Variants in SLC17A1 observed in about 807,000 individuals in gnomAD.
SLC17A1 encodes sodium-dependent phosphate transport protein 1.
A neutral mutation model predicts 53.5 loss-of-function variants in SLC17A1; 51 were observed. That is an observed-to-expected ratio of 0.95 (90% CI 0.76 to 1.20). The LOEUF is 1.20. Among genes scored for constraint, SLC17A1 ranks in the 50% most tolerant of loss-of-function variants. The pLI is 0.00. For synonymous variants in SLC17A1, 179 were observed against 198.8 expected, an observed-to-expected ratio of 0.90 and a Z score of 0.84; for missense variants, 538 against 568.2, an observed-to-expected ratio of 0.95 and a Z score of 0.54.
the SLC17A1 span, among the ~76,000 whole-genome samples, chr6:25,769,364 C>T: frequency 1.5e-3 from 232 of 152,056 alleles, 1 homozygote; most frequent in Middle Eastern, 6.8e-3. Context: ...ACCTTTAGTC[C>T]CAGCACTTTG....
chr6:25,737,049 A>G, the SLC17A1 span, among the ~76,000 whole-genome samples: 3 of 152,248 alleles, frequency 2.0e-5, no homozygotes, highest in Non-Finnish European at 4.4e-5. Flanking sequence ...TTAAGTTATA[A>G]TAGCCCTTCT....
At chr6:25,800,675 G>A (rs944934741) in intron 11 of SLC17A1, among the ~76,000 whole-genome samples, 1 of 152,142 alleles carries the variant, frequency 6.6e-6, no homozygotes, top group Non-Finnish European at 1.5e-5. Flanking sequence ...AATTACTAAA[G>A]AGTTCTCAAC....
the SLC17A1 span, among the ~76,000 whole-genome samples, chr6:25,737,487 A>G: frequency 6.6e-6 from 1 of 152,220 alleles, no homozygotes; most frequent in East Asian, 1.9e-4. Context: ...TAGTTTGAGT[A>G]GTAATAAAAC....
At chr6:25,738,906 A>T in the SLC17A1 span, among the ~76,000 whole-genome samples, 1 of 152,194 alleles carries the variant, frequency 6.6e-6, no homozygotes, top group Non-Finnish European at 1.5e-5. Flanking sequence ...TGAATATGGG[A>T]AAACTTGATC....
chr6:25,747,458 A>G, the SLC17A1 span, among the ~76,000 whole-genome samples: 1 of 152,228 alleles, frequency 6.6e-6, no homozygotes, highest in Admixed American at 6.5e-5. Context: ...CTAGGATGTC[A>G]GTAAATCAGC....
chr6:25,770,435 C>T, the SLC17A1 span: 1 of 1,614,128 alleles, frequency 6.2e-7, no homozygotes, highest in Non-Finnish European at 8.5e-7. Flanking sequence ...GGCTCCCCCA[C>T]TGGAAAGGAG....
At chr6:25,815,327 T>C (rs981256889) in intron 6 of SLC17A1, among the ~76,000 whole-genome samples, 3 of 151,740 alleles carry the variant, frequency 2.0e-5, no homozygotes, top group African/African-American at 7.3e-5. Flanking sequence ...TTAAAATTAA[T>C]AATAAACCTC....
chr6:25,740,967 G>C, the SLC17A1 span, among the ~76,000 whole-genome samples: 1 of 152,178 alleles, frequency 6.6e-6, no homozygotes, highest in East Asian at 1.9e-4. Context: ...AGCTAAAAAA[G>C]TTGATCTCAT....
chr6:25,824,577 G>A (rs949508108), intron 3 of SLC17A1, among the ~76,000 whole-genome samples: 5 of 151,712 alleles, frequency 3.3e-5, no homozygotes, highest in African/African-American at 1.2e-4. Flanking sequence ...GAAATATTCT[G>A]TTACGAGATG....
chr6:25,767,622 T>A, the SLC17A1 span, among the ~76,000 whole-genome samples: 1 of 152,148 alleles, frequency 6.6e-6, no homozygotes, highest in African/African-American at 2.4e-5. Context: ...AACAGAGTAG[T>A]TTAATATAAT....
At chr6:25,764,645 G>T in the SLC17A1 span, among the ~76,000 whole-genome samples, 300 of 152,320 alleles carry the variant, frequency 2.0e-3, 4 homozygotes, top group African/African-American at 6.9e-3. Context: ...ATGCTGTGGA[G>T]CTTCAGCTTG....
the SLC17A1 span, among the ~76,000 whole-genome samples, chr6:25,758,287 G>T: frequency 6.6e-6 from 1 of 152,230 alleles, no homozygotes; most frequent in South Asian, 2.1e-4. Flanking sequence ...TGGAGTGAGA[G>T]TGAATACCTG....
intron 2 of SLC17A1, 93 bp downstream of exon 2, chr6:25,830,431 A>G (rs1581507473): frequency 2.1e-6 from 2 of 971,322 alleles, no homozygotes; most frequent in East Asian, 4.8e-5. Context: ...AAGACCCCAT[A>G]TGTATATCAC....
At chr6:25,815,066 T>C (rs1764298324) in intron 6 of SLC17A1, among the ~76,000 whole-genome samples, 1 of 143,464 alleles carries the variant, frequency 7.0e-6, no homozygotes, top group Non-Finnish European at 1.5e-5. Context: ...AGGACAATTA[T>C]AAAAGCTGTA....
chr6:25,746,233 T>G, the SLC17A1 span, among the ~76,000 whole-genome samples: 1 of 152,208 alleles, frequency 6.6e-6, no homozygotes, highest in Non-Finnish European at 1.5e-5. Context: ...CTCTTATTTT[T>G]AAAACTTAGT....
At chr6:25,762,103 C>T in the SLC17A1 span, 1 of 1,508,930 alleles carries the variant, frequency 6.6e-7, no homozygotes, top group East Asian at 2.3e-5. Context: ...GGATCTGTGG[C>T]ACTGTAACTT....
At chr6:25,831,531 TGGTAC>T (rs1764949279) in intron 1 of SLC17A1, among the ~76,000 whole-genome samples, 1 of 152,092 alleles carries the variant, frequency 6.6e-6, no homozygotes, top group Admixed American at 6.6e-5. Context: ...CATAAACACA[TGGTAC>T]AAACTCCCCT....
At chr6:25,727,074 ATC>A in the SLC17A1 span, 1 of 1,614,260 alleles carries the variant, frequency 6.2e-7, no homozygotes, top group African/African-American at 1.3e-5. Context: ...GGACACTGGC[ATC>A]TCTTCGAAAG....
At chr6:25,756,946 GC>G in the SLC17A1 span, among the ~76,000 whole-genome samples, 1 of 152,116 alleles carries the variant, frequency 6.6e-6, no homozygotes, top group Admixed American at 6.5e-5. Flanking sequence ...TCAACTAATT[GC>G]CCTGAGGTGT....
Sources: allele counts gnomAD v4.1 joint callset (sites outside exome capture counted in the v4.1 genomes callset), GRCh38; gene constraint gnomAD v4.1.1; transcripts MANE v1.5; gene names NCBI Gene and HGNC (gene_info 2026-07-23, HGNC 2026-07-21).